The following RGS3 variants were observed in gnomAD, a reference collection of about 807,000 sequenced individuals.
RGS3 encodes the protein regulator of G protein signaling 3, also known as regulator of G-protein signalling 3.
Under a neutral mutation model 132.6 loss-of-function variants are expected in RGS3, and 80 were observed. The ratio of observed to expected loss-of-function variants is 0.60; its 90% CI spans 0.50 to 0.73. RGS3 has a LOEUF of 0.73. RGS3 is among the 30% of genes least tolerant of loss of function. RGS3 has a pLI of 0.00. For missense variants in RGS3, 1,382 were observed against 1,530.8 expected (o/e 0.90, Z 1.62); for synonymous variants, 598 against 620.6 (o/e 0.96, Z 0.54).
intron 1 of RGS3, among the ~76,000 whole-genome samples, chr9:113,448,654 G>C (rs1829171209): frequency 6.6e-6 from 1 of 152,200 alleles, no homozygotes; most frequent in African/African-American, 2.4e-5. Flanking sequence ...GCGAGTGGCA[G>C]AGCTCTCTCT....
rs146481558 is a variant in RGS3 at position 113,545,458 on chromosome 9, G to A, written c.2037+8540G>A. Among the ~76,000 whole-genome samples the A allele has an allele frequency of 3.5e-4, 53 of 152,300 alleles. 1 individual carries two copies. The East Asian group carries it at 9.4e-3, about 27-fold the overall frequency. ...ATGCAGACTCTTCTCCCTAAAAACTGTTTCCAGGCAGCCACCAGCTCTCCT... is the reference window on the plus strand; with the variant it reads ...ATGCAGACTCTTCTCCCTAAAAACTATTTCCAGGCAGCCACCAGCTCTCCT... On this transcript the variant is annotated intron_variant, in intron 19 of 24. Coordinates refer to ENST00000350696, the Ensembl canonical transcript of RGS3.
upstream of RGS3, among the ~76,000 whole-genome samples, chr9:113,459,866 AC>A (rs1829435820): frequency 6.6e-6 from 1 of 151,738 alleles, no homozygotes; most frequent in Non-Finnish European, 1.5e-5. Context: ...TGGTGAAACC[AC>A]CTTTCTACTA....
intron 10 of RGS3, among the ~76,000 whole-genome samples, chr9:113,502,967 C>T (rs1588167966): frequency 6.6e-6 from 1 of 152,186 alleles, no homozygotes; most frequent in Non-Finnish European, 1.5e-5. Flanking sequence ...GTGTGAAGAG[C>T]CTGGCTCAGT....
intron 7 of RGS3, among the ~76,000 whole-genome samples, chr9:113,487,550 C>G (rs918458965): frequency 6.6e-6 from 1 of 152,170 alleles, no homozygotes; most frequent in Non-Finnish European, 1.5e-5. Flanking sequence ...GGGATGGAAT[C>G]CAGGTGGTTG....
At chr9:113,462,457 C>A (rs949017529) in intron 3 of RGS3, among the ~76,000 whole-genome samples, 1 of 152,178 alleles carries the variant, frequency 6.6e-6, no homozygotes, top group Non-Finnish European at 1.5e-5. Context: ...GCCACCTGAC[C>A]CTGTGGCGTT....
At chr9:113,497,940 T>G in intron 9 of RGS3, 85 bp from the exon 8 acceptor site, 1 of 1,412,712 alleles carries the variant, frequency 7.1e-7, no homozygotes, top group East Asian at 2.3e-5. Flanking sequence ...TGGGCCTGTT[T>G]CCCAGTGCTG....
In RGS3 at chr9:113,565,150, C is replaced by T; in HGVS notation, c.2038-18300C>T. The T allele has an allele frequency of 1.7e-6, 2 of 1,197,862 alleles. No homozygotes were observed. The highest frequency in any genetic ancestry group is 1.5e-5 in the South Asian group (1 of 65,534). The allele number at this position is 1,197,862 out of a possible 1,614,324, so 74.2% of individuals were successfully genotyped here. ...GGCCCTGGGGATGAGCCACAGGGGACCCACAGCCTATGCGTGTGAGCATGT... is the reference window on the plus strand; with the variant it reads ...GGCCCTGGGGATGAGCCACAGGGGATCCACAGCCTATGCGTGTGAGCATGT... On this transcript the variant is annotated intron_variant, in intron 19 of 24. Coordinates refer to ENST00000350696, the Ensembl canonical transcript of RGS3. This position sits in a 1 kb window ranked among gnomAD's most constrained non-coding sequence, Gnocchi z 5.7.
At position 113,463,729 on chromosome 9, in the gene RGS3, A is replaced by G; in HGVS notation, c.415+1528A>G. 3.3e-6 allele frequency: 5 copies of G among 1,510,906 alleles called. No homozygotes were observed. Among genetic ancestry groups the G allele is most frequent in the Non-Finnish European group, 3.5e-6 (4 of 1,130,238 alleles). 93.6% of individuals were successfully genotyped at this position (1,510,906 alleles called of 1,614,324 possible). Reference sequence around the variant, plus strand: ...CCCGCTCGCGCTCCTCCCGCCCTGGAGACTCCGGTTACTGGGGAGCAACAC... The same window carrying G: ...CCCGCTCGCGCTCCTCCCGCCCTGGGGACTCCGGTTACTGGGGAGCAACAC... On this transcript the variant is annotated intron_variant, in intron 3 of 24. Coordinates refer to ENST00000350696, the Ensembl canonical transcript of RGS3. The surrounding 1 kb of genome is among the most constrained non-coding windows in gnomAD (Gnocchi z 4.6).
chr9:113,541,260 A>T (rs1281258789), intron 19 of RGS3: 1 of 1,563,650 alleles, frequency 6.4e-7, no homozygotes, highest in African/African-American at 1.4e-5. Context: ...CAGGTCCTGC[A>T]GTCAGGCAGC....
chr9:113,536,956 G>T (rs200408115), intron 19 of RGS3, 38 bp downstream of exon 17: 5 of 1,596,586 alleles, frequency 3.1e-6, no homozygotes, highest in Non-Finnish European at 3.4e-6. Context: ...TGGCTGCCTC[G>T]TTTCCCCTCA....
intron 14 of RGS3, among the ~76,000 whole-genome samples, chr9:113,509,103 G>T (rs1358208767): frequency 6.6e-6 from 1 of 152,000 alleles, no homozygotes; most frequent in Non-Finnish European, 1.5e-5. Flanking sequence ...GGCTAACACA[G>T]TGAAACCCCG....
At chr9:113,571,895 G>A (rs560048417) in intron 19 of RGS3, among the ~76,000 whole-genome samples, 1 of 152,242 alleles carries the variant, frequency 6.6e-6, no homozygotes, top group South Asian at 2.1e-4. Flanking sequence ...TGAAGTAGAG[G>A]TCAAGACTCA....
chr9:113,553,454 AAAAAAAT>A (rs1451140591), intron 19 of RGS3, among the ~76,000 whole-genome samples: 3 of 106,828 alleles, frequency 2.8e-5, no homozygotes, highest in African/African-American at 1.2e-4. Context: ...AAAAAAAAAA[AAAAAAAT>A]ATATATATAT....
At chr9:113,581,026 G>C in intron 19 of RGS3, 2 of 927,926 alleles carry the variant, frequency 2.2e-6, no homozygotes, top group African/African-American at 1.8e-5. Context: ...GGGCCAGGGG[G>C]TGGGTCGGGG....
At position 113,463,979 on chromosome 9, in the gene RGS3, G is replaced by A. The variant is rs1829547432; in HGVS notation, c.415+1778G>A. 2.3e-6 allele frequency: 3 copies of A among 1,330,896 alleles called. No individual in the cohort carries two copies. Among genetic ancestry groups the A allele is most frequent in the African/African-American group, 1.5e-5 (1 of 67,498 alleles). 82.4% of individuals were successfully genotyped at this position (1,330,896 alleles called of 1,614,324 possible). ...TGGTGACAGGGGAGGCTGGGAGCAG[G>A]TGCTCTTTCTATCTAGGGGCACCTT... On this transcript the variant is annotated intron_variant, in intron 3 of 24. Transcript: ENST00000350696. This position sits in a 1 kb window ranked among gnomAD's most constrained non-coding sequence, Gnocchi z 4.6.
At chr9:113,595,802 C>A in intron 24 of RGS3, 37 bp downstream of exon 22, 3 of 1,599,376 alleles carry the variant, frequency 1.9e-6, no homozygotes, top group Non-Finnish European at 2.6e-6. Context: ...TCCTCCAATC[C>A]CCAGGGCCCA....
intron 16 of RGS3, chr9:113,522,675 T>C (rs1490498972): frequency 2.0e-6 from 1 of 495,066 alleles, no homozygotes; most frequent in African/African-American, 1.9e-5. Flanking sequence ...GGGCCACTTT[T>C]CCCCTTCTGT....
At chr9:113,558,022 A>C (rs553293770) in intron 19 of RGS3, among the ~76,000 whole-genome samples, 62 of 152,310 alleles carry the variant, frequency 4.1e-4, no homozygotes, top group African/African-American at 1.4e-3. Flanking sequence ...GAGGAAGGCA[A>C]GTCGAGAGGC....
chr9:113,483,018 T>C, intron 4 of RGS3, 41 bp from the exon 3 acceptor site: 1 of 1,613,910 alleles, frequency 6.2e-7, no homozygotes, highest in Non-Finnish European at 8.5e-7. Context: ...TGTGTGTGTA[T>C]GTTTCCATTC....
Sources: gnomAD v4.1 joint callset for allele counts (sites outside exome capture counted in the v4.1 genomes callset) on GRCh38, gnomAD v4.1.1 for gene constraint, Gnocchi (gnomAD v3.1) non-coding constraint, MANE v1.5 for transcripts, NCBI Gene and HGNC (gene_info 2026-07-23, HGNC 2026-07-21) for gene names.